The following APC2 variants were observed in gnomAD, a reference collection of about 807,000 sequenced individuals.
APC2 encodes the protein adenomatous polyposis coli protein 2.
Under a neutral mutation model 72.5 loss-of-function variants are expected in APC2, and 41 were observed. That is an observed-to-expected ratio of 0.57 (90% CI 0.44 to 0.73). APC2 has a LOEUF of 0.73. Ranked by LOEUF, APC2 falls within the 30% of genes least tolerant of loss-of-function variation. The pLI, the probability that APC2 is intolerant of heterozygous loss-of-function variation, is 0.00. For synonymous variants in APC2, 1,898 were observed against 1,612.0 expected (o/e 1.18, Z -4.25); for missense variants, 3,729 against 3,403.4 (o/e 1.10, Z -2.38).
At chr19:1,456,695 G>A in intron 8 of APC2, among the ~76,000 whole-genome samples, 158 bp from the exon 9 acceptor site, 1 of 152,194 alleles carries the variant, frequency 6.6e-6, no homozygotes, top group East Asian at 1.9e-4. Context: ...CAGCCTCCCC[G>A]AAGCACGTGT....
Position 1,468,681 on chromosome 19 carries a change from A to G in APC2, c.5380A>G (p.Ile1794Val). Residue 1794 changes from isoleucine (I) to valine (V), a missense_variant, in exon 15 of 15, where the codon ATC becomes GTC. Ile to Val is a conservative substitution (Grantham distance 29). Transcript: ENST00000590469. Reference protein sequence around the residue: ...VPAVLRGRTVIYVPSPAPRAQ... With the variant: ...VPAVLRGRTVVYVPSPAPRAQ... ...AGCTGTGCTCCGGGGACGAACAGTG[A>G]TCTACGTCCCCAGCCCGGCACCCCG... is the stretch of plus-strand genomic sequence containing the variant. 6.4e-7 allele frequency: 1 copy of G among 1,566,128 alleles called. No individual in the cohort carries two copies. Among genetic ancestry groups the G allele is most frequent in the East Asian group, 2.4e-5 (1 of 42,138 alleles).
chr19:1,461,568 C>G (rs1373014864), intron 13 of APC2: 1 of 313,258 alleles, frequency 3.2e-6, no homozygotes, highest in African/African-American at 2.2e-5. Flanking sequence ...AACAACCTCA[C>G]TGGGCCGGGC....
In APC2 at chr19:1,466,293, A is replaced by G. The variant is rs762770069; in HGVS notation, c.2992A>G (p.Thr998Ala). The G allele has an allele frequency of 1.6e-5, 25 of 1,534,326 alleles. No homozygotes were observed. Among genetic ancestry groups the G allele is most frequent in the Non-Finnish European group, 1.7e-5 (19 of 1,145,956 alleles). The change falls in exon 15 of 15, where the codon ACC becomes GCC. Residue 998 changes from threonine (T) to alanine (A), a missense_variant. Transcript: ENST00000590469. Reference protein sequence around the residue: ...ARVRTIKLSPTYQHVPLLEGA... With the variant: ...ARVRTIKLSPAYQHVPLLEGA... The stretch of plus-strand genomic sequence containing the variant: ...CGTGCGCACCATCAAGCTGTCGCCT[A>G]CCTATCAGCACGTGCCACTGCTTGA...
At position 1,461,918 on chromosome 19, in the gene APC2, G is replaced by A. The variant is rs199948380; in HGVS notation, c.1639-45G>A. Reference sequence around the variant, plus strand: ...ATGTGAGCGTGGGAGCCTTTCCTCCGGGCCACTCAGGCCCTGACCCGCCCC... The same window carrying A: ...ATGTGAGCGTGGGAGCCTTTCCTCCAGGCCACTCAGGCCCTGACCCGCCCC... On this transcript the variant is annotated intron_variant, in intron 13 of 14. Transcript: ENST00000590469. 120 of 1,522,696 alleles carry A rather than the reference G, an allele frequency of 7.9e-5. No homozygotes were observed. The East Asian group carries it at 1.7e-3, about 21-fold the overall frequency. The allele number at this position is 1,522,696 out of a possible 1,614,324, so 94.3% of individuals were successfully genotyped here.
chr19:1,465,895 A>G lies in APC2; in HGVS notation c.2594A>G (p.His865Arg). The G allele has an allele frequency of 6.3e-7, 1 of 1,575,064 alleles. No individual in the cohort carries two copies. ...CTGGTGGAGGACATCTCCGCCCTGCACACCTCGTCCGACGATAGCTTCAGC... is the reference window on the plus strand; with the variant it reads ...CTGGTGGAGGACATCTCCGCCCTGCGCACCTCGTCCGACGATAGCTTCAGC... ...DQLVEDISALHTSSDDSFSLS... is the reference protein window; with the variant it reads ...DQLVEDISALRTSSDDSFSLS... The change falls in exon 15 of 15, where the codon CAC becomes CGC. Residue 865 changes from histidine (H) to arginine (R), a missense_variant. Physicochemically the swap from His to Arg is conservative, Grantham distance 29. Coordinates refer to ENST00000590469, the MANE Select transcript of APC2 (RefSeq NM_005883.3).
At chr19:1,449,608 C>G (rs757020666), upstream of APC2, among the ~76,000 whole-genome samples, 1 of 152,104 alleles carries the variant, frequency 6.6e-6, no homozygotes, top group Non-Finnish European at 1.5e-5. Flanking sequence ...ATGCAGCGTC[C>G]CAGGTGCTCC....
At position 1,466,258 on chromosome 19, in the gene APC2, C is replaced by T. The variant is rs758732627; in HGVS notation, c.2957C>T (p.Ala986Val). The stretch of plus-strand genomic sequence containing the variant: ...CCCCCGGCCCGCGAGGCCACCTCCG[C>T]CGACGCCCGCGTGCGCACCATCAAG... The part of the protein sequence containing the change: ...AEPPAREATS[A>V]DARVRTIKLS... The change falls in exon 15 of 15, where the codon GCC becomes GTC. Residue 986 changes from alanine (A) to valine (V), a missense_variant. Coordinates refer to ENST00000590469, the MANE Select transcript of APC2 (RefSeq NM_005883.3). 140 of 1,530,134 alleles carry T rather than the reference C, an allele frequency of 9.1e-5. No homozygotes were observed. Among genetic ancestry groups the T allele is most frequent in the Admixed American group, 3.3e-4 (16 of 49,134 alleles). 94.8% of individuals were successfully genotyped at this position (1,530,134 alleles called of 1,614,324 possible). A position where few individuals can be genotyped will look rare whatever the true frequency, so the allele number is the denominator to read the frequency against.
At chr19:1,457,850 T>C in intron 9 of APC2, 115 bp from the exon 10 acceptor site, 2 of 864,030 alleles carry the variant, frequency 2.3e-6, no homozygotes, top group Non-Finnish European at 3.6e-6. Context: ...TTTGCAGCCA[T>C]TTGCAAAGCT....
At position 1,458,005 on chromosome 19, in the gene APC2, T is replaced by G; in HGVS notation, c.1248T>G (p.Cys416Trp). ...AGCCGCAGATCTGCCAGGCCACCTG[T>G]GCTGTTATGAAGCTGTCCTTTGATG... is the stretch of plus-strand genomic sequence containing the variant. ...PIEPQICQAT[C>W]AVMKLSFDEE... The change falls in exon 10 of 15, where the codon TGT (cysteine) becomes TGG (tryptophan). Residue 416 changes from cysteine to tryptophan, a missense_variant. Transcript: ENST00000590469. 1 of 1,566,880 alleles carries G rather than the reference T, an allele frequency of 6.4e-7. No homozygotes were observed. The highest frequency in any genetic ancestry group is 8.7e-7 in the Non-Finnish European group (1 of 1,154,694).
chr19:1,467,067 C>T lies in APC2; in HGVS notation c.3766C>T (p.Leu1256=), dbSNP rs1291688869. 1 of 1,611,744 alleles carries T rather than the reference C, an allele frequency of 6.2e-7. No homozygotes were observed. Among genetic ancestry groups the T allele is most frequent in the African/African-American group, 1.3e-5 (1 of 75,054 alleles). The change falls in exon 15 of 15, where the codon CTG becomes TTG. Residue 1256 remains leucine (L), a synonymous_variant. Coordinates refer to ENST00000590469, the MANE Select transcript of APC2 (RefSeq NM_005883.3). ...GGAGCGCTGCCGGCTGCCATCTGAG[C>T]TGGACGCAGGCAGCGTGCGCTTTAC... ...CRERCRLPSE[L]DAGSVRFTVE...
At chr19:1,458,185 G>T in intron 10 of APC2, 125 bp downstream of exon 10, 1 of 856,770 alleles carries the variant, frequency 1.2e-6, no homozygotes, top group Non-Finnish European at 1.8e-6. Context: ...CCCGGAGAGG[G>T]ACAGACTCCC....
chr19:1,461,153 G>C lies in APC2; in HGVS notation c.1638G>C (p.Lys546Asn). Residue 546 changes from lysine to asparagine, a missense_variant and splice_region_variant, in exon 13 of 15, where the codon AAG (lysine) becomes AAC (asparagine). Lys to Asn is a moderately conservative substitution (Grantham distance 94). Coordinates refer to ENST00000590469, the MANE Select transcript of APC2 (RefSeq NM_005883.3). ...TGCAGTGTGTCCTGCGGGCCACCAA[G>C]GTGGGCACCCGGTGGGCGGCAGGGA... ...ALVQCVLRAT[K>N]ESTLKSVLSA... 6.2e-7 allele frequency: 1 copy of C among 1,609,340 alleles called. No individual in the cohort carries two copies. The highest frequency in any genetic ancestry group is 8.5e-7 in the Non-Finnish European group (1 of 1,179,716).
Position 1,466,043 on chromosome 19 carries a change from G to A in APC2, c.2742G>A (p.Arg914=). The A allele has an allele frequency of 6.7e-7, 1 of 1,499,526 alleles. No homozygotes were observed. The highest frequency in any genetic ancestry group is 8.8e-7 in the Non-Finnish European group (1 of 1,135,746). 92.9% of individuals were successfully genotyped at this position (1,499,526 alleles called of 1,614,324 possible). A position where few individuals can be genotyped will look rare whatever the true frequency, so the allele number is the denominator to read the frequency against. Residue 914 remains arginine, a synonymous_variant, in exon 15 of 15, where the codon CGG becomes CGA. Coordinates refer to ENST00000590469, the MANE Select transcript of APC2 (RefSeq NM_005883.3). ...GAAGCCGGGCGCACCCGCTGCTGCG[G>A]CTCAAGGCGGCCCACGCCAGCCTCT... ...EAGSRAHPLL[R]LKAAHASLSN...
At chr19:1,459,268 C>A (rs2656878) in intron 10 of APC2, among the ~76,000 whole-genome samples, 3 of 152,028 alleles carry the variant, frequency 2.0e-5, no homozygotes, top group Middle Eastern at 3.4e-3. Context: ...GCAGTGGCGC[C>A]ATCTCGGCTC....
At chr19:1,454,974 A>T in intron 4 of APC2, among the ~76,000 whole-genome samples, 175 bp from the exon 5 acceptor site, 1 of 126,080 alleles carries the variant, frequency 7.9e-6, no homozygotes, top group Non-Finnish European at 1.6e-5. Context: ...CCCCCAGTTA[A>T]TTTCAATACC....
intron 14 of APC2, among the ~76,000 whole-genome samples, chr19:1,463,286 C>T (rs1276246083): frequency 6.6e-6 from 1 of 150,670 alleles, no homozygotes; most frequent in African/African-American, 2.4e-5. Context: ...GGCATGGTGG[C>T]GGGCACCTGT....
At chr19:1,446,437 G>T (rs145058025), upstream of APC2, 496 of 899,628 alleles carry the variant, frequency 5.5e-4, 3 homozygotes, top group South Asian at 6.5e-4. The surrounding 1 kb of genome is among the most constrained non-coding windows in gnomAD (Gnocchi z 6.1). Flanking sequence ...GGCGGCGGGG[G>T]GCGCATGGGG....
chr19:1,451,775 TC>T (rs2083745700), intron 1 of APC2: 1 of 152,138 alleles, frequency 6.6e-6, no homozygotes, highest in African/African-American at 2.4e-5. Flanking sequence ...ACACACTGCG[TC>T]CCCTGAGCAG....
chr19:1,457,287 C>T lies in APC2; in HGVS notation c.1207+44C>T, dbSNP rs565988114. 30 of 1,472,564 alleles carry T rather than the reference C, an allele frequency of 2.0e-5. No individual in the cohort carries two copies. In the African/African-American group the frequency reaches 4.4e-4, roughly 22 times the overall value. The allele number at this position is 1,472,564 out of a possible 1,614,324, so 91.2% of individuals were successfully genotyped here. ...GGGCCCCCTCCGCGCAATTAACGTG[C>T]AGCTAGGGCTTCCCGGGGGATGGGC... is the stretch of plus-strand genomic sequence containing the variant. On this transcript the variant is annotated intron_variant, in intron 9 of 14. Coordinates refer to ENST00000590469, the MANE Select transcript of APC2 (RefSeq NM_005883.3).
Sources: allele counts gnomAD v4.1 joint callset (sites outside exome capture counted in the v4.1 genomes callset), GRCh38; gene constraint gnomAD v4.1.1; non-coding constraint Gnocchi (gnomAD v3.1); transcripts MANE v1.5; gene names NCBI Gene and HGNC (gene_info 2026-07-23, HGNC 2026-07-21).